EHBP1L1: variants seen among roughly 807,000 people sequenced by gnomAD.
EHBP1L1 encodes the protein EH domain binding protein 1 like 1.
A neutral mutation model predicts 151.1 loss-of-function variants in EHBP1L1; 122 were observed. The ratio of observed to expected loss-of-function variants is 0.81; its 90% confidence interval spans 0.70 to 0.94. EHBP1L1 has a LOEUF of 0.94. Ranked by LOEUF, EHBP1L1 falls within the 40% of genes least tolerant of loss-of-function variation. EHBP1L1 has a pLI of 0.00. For missense variants in EHBP1L1, 1,941 were observed against 1,959.8 expected, an observed-to-expected ratio of 0.99 and a Z score of 0.18; for synonymous variants, 878 against 810.1, an observed-to-expected ratio of 1.08 and a Z score of -1.42.
rs767481969 is a variant in EHBP1L1 at position 65,592,315 on chromosome 11, G to T, written c.*13G>T. Reference sequence around the variant, plus strand: ...CGTGCTGAGCTGAGGCCGCCGGCCCGGGTGGCCCATAACTTCTCGCGTCCC... The same window carrying T: ...CGTGCTGAGCTGAGGCCGCCGGCCCTGGTGGCCCATAACTTCTCGCGTCCC... On this transcript the variant is annotated 3_prime_UTR_variant, in exon 19 of 19. Coordinates refer to ENST00000309295, the MANE Select transcript of EHBP1L1 (RefSeq NM_001099409.3). 2.1e-6 allele frequency: 3 copies of T among 1,460,924 alleles called. No individual in the cohort carries two copies. Among genetic ancestry groups the T allele is most frequent in the East Asian group, 2.7e-5 (1 of 36,682 alleles). The allele number at this position is 1,460,924 out of a possible 1,614,324, so 90.5% of individuals were successfully genotyped here. A position where few individuals can be genotyped will look rare whatever the true frequency, so the allele number is the denominator to read the frequency against.
chr11:65,590,480 C>T lies in EHBP1L1; in HGVS notation c.4184-13C>T, dbSNP rs752658828. ...CAGGGGGCAGGCCTGGTGACTGTCC[C>T]TGTCCAATGCAGGTGCCAACAAGCT... On this transcript the variant is annotated splice_polypyrimidine_tract_variant and intron_variant, in intron 15 of 18. Coordinates refer to ENST00000309295, the MANE Select transcript of EHBP1L1 (RefSeq NM_001099409.3). 4.3e-6 allele frequency: 7 copies of T among 1,612,186 alleles called. No individual in the cohort carries two copies. In the East Asian group the frequency reaches 1.6e-4, roughly 36 times the overall value.
At position 65,592,057 on chromosome 11, in the gene EHBP1L1, A is replaced by G. The variant is rs1262707253; in HGVS notation, c.4439A>G (p.Glu1480Gly). ...GTGTCGCTGGTGAACCAGCGCGATGAGCTAGTCCGGGACCTGGACCACAAG... is the reference window on the plus strand; with the variant it reads ...GTGTCGCTGGTGAACCAGCGCGATGGGCTAGTCCGGGACCTGGACCACAAG... ...ELVSLVNQRD[E>G]LVRDLDHKER... The change falls in exon 18 of 19, where the codon GAG (glutamate) becomes GGG (glycine). Residue 1480 changes from glutamate (E) to glycine (G), a missense_variant. By Grantham distance (98) the Glu-to-Gly change is moderately conservative. Transcript: ENST00000309295. 6 of 1,613,316 alleles carry G rather than the reference A, an allele frequency of 3.7e-6. No individual in the cohort carries two copies. The South Asian group carries it at 6.6e-5, about 18-fold the overall frequency.
At position 65,589,996 on chromosome 11, in the gene EHBP1L1, G is replaced by A; in HGVS notation, c.4059+5G>A. On this transcript the variant is annotated splice_donor_5th_base_variant and intron_variant, in intron 14 of 18. Coordinates refer to ENST00000309295, the MANE Select transcript of EHBP1L1 (RefSeq NM_001099409.3). ...CCAGGGGAGGAGGCTGGGCTGGTAA[G>A]GAGGGCTAAGTGGGAGGAGCTGATG... The A allele has an allele frequency of 6.2e-7, 1 of 1,602,860 alleles. No individual in the cohort carries two copies. The highest frequency in any genetic ancestry group is 1.7e-4 in the Middle Eastern group (1 of 6,020).
rs1857808442 is a variant in EHBP1L1 at position 65,584,247 on chromosome 11, C to T, written c.3100C>T (p.Pro1034Ser). ...DRRLPGSQAP[P>S]ALVSSSQSLL... ...CCCACCCCTGTGTCCTCAGGCACCA[C>T]CTGCCCTGGTCAGCTCCAGCCAGTC... The change falls in exon 10 of 19, where the codon CCT becomes TCT. Residue 1034 changes from proline to serine, a missense_variant. Coordinates refer to ENST00000309295, the MANE Select transcript of EHBP1L1 (RefSeq NM_001099409.3). 4 of 1,609,034 alleles carry T rather than the reference C, an allele frequency of 2.5e-6. No homozygotes were observed. The South Asian group carries it at 4.4e-5, about 18-fold the overall frequency.
In EHBP1L1 at chr11:65,582,164, G is replaced by C. The variant is rs1411999972; in HGVS notation, c.1492G>C (p.Ala498Pro). 2 of 1,577,252 alleles carry C rather than the reference G, an allele frequency of 1.3e-6. No individual in the cohort carries two copies. The highest frequency in any genetic ancestry group is 3.7e-5 in the Admixed American group (2 of 54,356). ...HSGQLGDLEG[A>P]RAAAGQEREG... ...TGGGCAACTTGGTGACCTCGAGGGG[G>C]CCAGGGCTGCTGCAGGCCAGGAGAG... Residue 498 changes from alanine (A) to proline (P), a missense_variant, in exon 9 of 19, where the codon GCC becomes CCC. Coordinates refer to ENST00000309295, the MANE Select transcript of EHBP1L1 (RefSeq NM_001099409.3).
At chr11:65,579,867 G>T in intron 3 of EHBP1L1, 69 bp from the exon 4 acceptor site, 1 of 1,544,826 alleles carries the variant, frequency 6.5e-7, no homozygotes, top group Non-Finnish European at 8.9e-7. Flanking sequence ...CACCTCCTGA[G>T]CCAGACAAGC....
chr11:65,584,932 C>A (rs1387702790), intron 11 of EHBP1L1, 27 bp from the exon 12 acceptor site: 2 of 1,530,628 alleles, frequency 1.3e-6, no homozygotes, highest in Non-Finnish European at 1.7e-6. Context: ...ACCGCCGCCG[C>A]TGACCCCGAG....
chr11:65,576,419 G>C lies in EHBP1L1; in HGVS notation c.104+13G>C. On this transcript the variant is annotated intron_variant, in intron 1 of 18. Coordinates refer to ENST00000309295, the MANE Select transcript of EHBP1L1 (RefSeq NM_001099409.3). ...GCACCAAGAAATGGTGAGTGGGAGGGAGGCGGGGGGGCTCCCCCGAACTTG... is the reference window on the plus strand; with the variant it reads ...GCACCAAGAAATGGTGAGTGGGAGGCAGGCGGGGGGGCTCCCCCGAACTTG... The C allele has an allele frequency of 6.4e-7, 1 of 1,563,784 alleles. No homozygotes were observed. The highest frequency in any genetic ancestry group is 8.7e-7 in the Non-Finnish European group (1 of 1,154,222).
intron 16 of EHBP1L1, chr11:65,591,395 C>G (rs755593235): frequency 1.3e-5 from 4 of 311,040 alleles, no homozygotes; most frequent in Non-Finnish European, 2.5e-5. Flanking sequence ...CCAGAGAGAT[C>G]TGATCTGGTT....
rs1857726022 is a variant in EHBP1L1 at position 65,583,119 on chromosome 11, CTG to C, written c.2448_2449del (p.Glu817AspfsTer10). ...GAGATAGCGACTGGGACAGCAGAAA[CTG>C]AGATATTGGGGACCCAAGAGATAGC... On this transcript the variant is annotated frameshift_variant, in exon 9 of 19. Coordinates refer to ENST00000309295, the MANE Select transcript of EHBP1L1 (RefSeq NM_001099409.3). LOFTEE classifies it high-confidence loss of function. 4 of 1,612,874 alleles carry C rather than the reference CTG, an allele frequency of 2.5e-6. No homozygotes were observed. The highest frequency in any genetic ancestry group is 2.2e-5 in the South Asian group (2 of 91,054).
In EHBP1L1 at chr11:65,590,131, G is replaced by A. The variant is rs373860781; in HGVS notation, c.4104G>A (p.Gln1368=). The A allele has an allele frequency of 2.8e-5, 45 of 1,613,724 alleles. No individual in the cohort carries two copies. Among genetic ancestry groups the A allele is most frequent in the Non-Finnish European group, 3.6e-5 (43 of 1,179,846 alleles). The change falls in exon 15 of 19, where the codon CAG becomes CAA. Residue 1368 remains glutamine, a synonymous_variant. Coordinates refer to ENST00000309295, the MANE Select transcript of EHBP1L1 (RefSeq NM_001099409.3). Reference sequence around the variant, plus strand: ...GTCAGTACGTGTGTGCAGAGCTGCAGGCCCTGGAACAGGAGCAGAGGCAGA... The same window carrying A: ...GTCAGTACGTGTGTGCAGAGCTGCAAGCCCTGGAACAGGAGCAGAGGCAGA... The part of the protein sequence containing the change: ...DTSQYVCAEL[Q]ALEQEQRQID...
chr11:65,591,763 G>GCCCCCCC, intron 16 of EHBP1L1, 37 bp from the exon 17 acceptor site: 4 of 1,128,588 alleles, frequency 3.5e-6, no homozygotes, highest in South Asian at 1.3e-5. Context: ...TTCCTGAACT[G>GCCCCCCC]CCACCCCCCC....
Position 65,579,955 on chromosome 11 carries a change from A to G in EHBP1L1, c.278A>G (p.Tyr93Cys). 2 of 1,613,858 alleles carry G rather than the reference A, an allele frequency of 1.2e-6. No individual in the cohort carries two copies. Among genetic ancestry groups the G allele is most frequent in the Non-Finnish European group, 1.7e-6 (2 of 1,179,848 alleles). The change falls in exon 4 of 19, where the codon TAT becomes TGT. Residue 93 changes from tyrosine (Y) to cysteine (C), a missense_variant. Coordinates refer to ENST00000309295, the MANE Select transcript of EHBP1L1 (RefSeq NM_001099409.3). ...TLYRDPHVDQ[Y>C]EAKEWTFIIE... is the part of the protein sequence containing the mutation. The stretch of plus-strand genomic sequence containing the variant: ...TCCCAGGACCCCCACGTGGACCAGT[A>G]TGAGGCCAAAGAGTGGACATTTATT...
Position 65,585,819 on chromosome 11 carries a change from C to T in EHBP1L1, c.3933+228C>T, listed in dbSNP as rs1185125422. 6.6e-6 allele frequency among the ~76,000 whole-genome samples: 1 copy of T among 152,210 alleles called. No individual in the cohort carries two copies. The highest frequency in any genetic ancestry group is 2.1e-4 in the South Asian group (1 of 4,834). ...GTAGTGAGCTCCTCATTAGGGGACG[C>T]ATTTGAGCCAAGGCCCACCAGGCAG... On this transcript the variant is annotated intron_variant, in intron 12 of 18. Transcript: ENST00000309295. The surrounding 1 kb of genome is among the most constrained non-coding windows in gnomAD (Gnocchi z 4.0).
At position 65,583,609 on chromosome 11, in the gene EHBP1L1, T is replaced by C. The variant is rs562360728; in HGVS notation, c.2937T>C (p.Ala979=). Residue 979 remains alanine, a synonymous_variant, in exon 9 of 19, where the codon GCT becomes GCC. Coordinates refer to ENST00000309295, the MANE Select transcript of EHBP1L1 (RefSeq NM_001099409.3). ...CTTTTAAGGCCCAGGAAGCGGAGGC[T>C]GGGGTCTTGGGAAATGAGAAGGGGA... The part of the protein sequence containing the change: ...SGTFKAQEAE[A]GVLGNEKGKE... 1.9e-6 allele frequency: 3 copies of C among 1,609,030 alleles called. No homozygotes were observed. Among genetic ancestry groups the C allele is most frequent in the African/African-American group, 1.3e-5 (1 of 74,888 alleles).
In EHBP1L1 at chr11:65,583,188, C is replaced by G. The variant is rs1287474244; in HGVS notation, c.2516C>G (p.Ala839Gly). 1 of 1,612,456 alleles carries G rather than the reference C, an allele frequency of 6.2e-7. No homozygotes were observed. Among genetic ancestry groups the G allele is most frequent in the Admixed American group, 1.7e-5 (1 of 59,948 alleles). ...SGVPGLESEV[A>G]GAQETEVGGS... ...GTCCCAGGGCTAGAATCTGAGGTAG[C>G]TGGGGCCCAGGAGACAGAGGTCGGG... Residue 839 changes from alanine (A) to glycine (G), a missense_variant, in exon 9 of 19, where the codon GCT (alanine) becomes GGT (glycine). Transcript: ENST00000309295.
Position 65,581,296 on chromosome 11 carries a change from G to T in EHBP1L1, c.789G>T (p.Gly263=), listed in dbSNP as rs1156885497. ...APPARTSRGQ[G]SERANEAGGQ... ...CAGCCAGAACCTCCCGAGGCCAGGG[G>T]TCAGAACGAGCTAATGAAGCGGGGG... Residue 263 remains glycine, a synonymous_variant, in exon 8 of 19, where the codon GGG becomes GGT. Transcript: ENST00000309295. The T allele has an allele frequency of 6.2e-7, 1 of 1,612,018 alleles. No individual in the cohort carries two copies. The highest frequency in any genetic ancestry group is 8.5e-7 in the Non-Finnish European group (1 of 1,179,594).
intron 12 of EHBP1L1, among the ~76,000 whole-genome samples, chr11:65,589,371 G>A (rs544355249): frequency 2.6e-5 from 4 of 152,306 alleles, no homozygotes; most frequent in East Asian, 1.9e-4. Flanking sequence ...CAGCCAGGGC[G>A]ACAGAGCGAA....
At chr11:65,584,779 G>T in intron 11 of EHBP1L1, 180 bp from the exon 12 acceptor site, 1 of 1,003,730 alleles carries the variant, frequency 1.0e-6, no homozygotes, top group East Asian at 2.6e-5. Flanking sequence ...ACGGTGTGCC[G>T]TTGCTAAGCA....
Sources: allele counts gnomAD v4.1 joint callset (sites outside exome capture counted in the v4.1 genomes callset), GRCh38; gene constraint gnomAD v4.1.1; non-coding constraint Gnocchi (gnomAD v3.1); transcripts MANE v1.5; gene names NCBI Gene and HGNC (gene_info 2026-07-23, HGNC 2026-07-21).